Variants in TNIK observed in about 807,000 individuals in gnomAD.
The protein encoded by TNIK is TRAF2 and NCK interacting kinase.
Under a neutral mutation model 191.3 loss-of-function variants are expected in TNIK, and 49 were observed. That is an observed-to-expected ratio of 0.26 (90% CI 0.20 to 0.32). The LOEUF is 0.32. TNIK is among the 10% of genes least tolerant of loss of function. The probability of loss-of-function intolerance (pLI) is 1.00; values close to 1 mark genes in which losing one functional copy is unlikely to be tolerated. For synonymous variants in TNIK, 594 were observed against 600.9 expected, an observed-to-expected ratio of 0.99 and a Z score of 0.17; for missense variants, 1,155 against 1,702.3, an observed-to-expected ratio of 0.68 and a Z score of 5.66.
At chr3:171,347,180 T>C (rs1474296155) in intron 2 of TNIK, 2 of 1,528,826 alleles carry the variant, frequency 1.3e-6, no homozygotes, top group Non-Finnish European at 8.7e-7. Flanking sequence ...AGTTGGTTCT[T>C]GGAGTTGTGA....
intron 1 of TNIK, among the ~76,000 whole-genome samples, chr3:171,430,706 C>G (rs997084562): frequency 4.0e-5 from 6 of 148,634 alleles, no homozygotes; most frequent in Non-Finnish European, 8.9e-5. Flanking sequence ...TGTTTAAAAT[C>G]ATTTAATTTA....
At chr3:171,166,105 T>C (rs1198848589) in intron 10 of TNIK, among the ~76,000 whole-genome samples, 1 of 152,186 alleles carries the variant, frequency 6.6e-6, no homozygotes, top group African/African-American at 2.4e-5. Context: ...TACCGATGAT[T>C]ATGGCAGCAA....
At chr3:171,315,942 G>A (rs983327948) in intron 2 of TNIK, among the ~76,000 whole-genome samples, 1 of 151,984 alleles carries the variant, frequency 6.6e-6, no homozygotes, top group Non-Finnish European at 1.5e-5. Flanking sequence ...TCATATATTC[G>A]GGGAGATACA....
At chr3:171,228,793 T>C (rs1047647705) in intron 2 of TNIK, among the ~76,000 whole-genome samples, 1 of 152,242 alleles carries the variant, frequency 6.6e-6, no homozygotes, top group Non-Finnish European at 1.5e-5. Flanking sequence ...TGGGCTCTTT[T>C]GGTCTTTAGA....
intron 18 of TNIK, among the ~76,000 whole-genome samples, chr3:171,121,776 C>T (rs1316504923): frequency 1.3e-5 from 2 of 152,166 alleles, no homozygotes; most frequent in African/African-American, 4.8e-5. Flanking sequence ...CAATCTAGAA[C>T]CGCAAATCTG....
At chr3:171,237,621 T>A (rs970273568) in intron 2 of TNIK, among the ~76,000 whole-genome samples, 1 of 152,152 alleles carries the variant, frequency 6.6e-6, no homozygotes, top group Non-Finnish European at 1.5e-5. Context: ...CTAAAACTTA[T>A]ATACCTAAAA....
chr3:171,166,685 C>G (rs1734656617), intron 10 of TNIK, among the ~76,000 whole-genome samples: 1 of 152,120 alleles, frequency 6.6e-6, no homozygotes, highest in Non-Finnish European at 1.5e-5. Flanking sequence ...CCTCAGAGCA[C>G]ATAAATTTAA....
intron 2 of TNIK, among the ~76,000 whole-genome samples, chr3:171,261,852 G>C (rs186526623): frequency 8.5e-5 from 13 of 152,162 alleles, no homozygotes; most frequent in African/African-American, 3.1e-4. Flanking sequence ...GAAAACACAA[G>C]GGCTGGATGG....
intron 24 of TNIK, among the ~76,000 whole-genome samples, chr3:171,085,802 C>T (rs1721280499): frequency 6.6e-6 from 1 of 152,068 alleles, no homozygotes; most frequent in South Asian, 2.1e-4. Flanking sequence ...TATTTCCTTC[C>T]CACGATAGTT....
At chr3:171,361,922 A>C (rs776757460) in intron 2 of TNIK, among the ~76,000 whole-genome samples, 10 of 152,200 alleles carry the variant, frequency 6.6e-5, no homozygotes, top group Non-Finnish European at 7.3e-5. Context: ...AGTTCCAAAT[A>C]GATCTATGGC....
At chr3:171,288,450 A>C (rs1348166850) in intron 2 of TNIK, among the ~76,000 whole-genome samples, 1 of 152,146 alleles carries the variant, frequency 6.6e-6, no homozygotes, top group East Asian at 1.9e-4. Flanking sequence ...TGTACTATCC[A>C]CCATAAGGGC....
At chr3:171,323,730 G>A (rs986035197) in intron 2 of TNIK, among the ~76,000 whole-genome samples, 1 of 152,172 alleles carries the variant, frequency 6.6e-6, no homozygotes, top group Non-Finnish European at 1.5e-5. Context: ...ACAGTGTGAA[G>A]ATACTGCACA....
At chr3:171,352,402 C>T (rs1713359382) in intron 2 of TNIK, among the ~76,000 whole-genome samples, 1 of 152,164 alleles carries the variant, frequency 6.6e-6, no homozygotes. Context: ...TTAAAGGCAT[C>T]CCCTTTGTGA....
At chr3:171,356,186 A>G (rs9860583) in intron 2 of TNIK, among the ~76,000 whole-genome samples, 10,325 of 138,184 alleles carry the variant, frequency 0.075, 1,088 homozygotes, top group African/African-American at 0.28. Flanking sequence ...TTCTGGGGGG[A>G]AAAAAAAATC....
At chr3:171,172,324 C>G (rs1735396772) in intron 9 of TNIK, among the ~76,000 whole-genome samples, 1 of 152,062 alleles carries the variant, frequency 6.6e-6, no homozygotes, top group Non-Finnish European at 1.5e-5. Flanking sequence ...AACCCGGTAA[C>G]TCATTTAGGT....
At chr3:171,158,279 G>C (rs116283785) in intron 11 of TNIK, among the ~76,000 whole-genome samples, 389 of 152,362 alleles carry the variant, frequency 2.6e-3, no homozygotes, top group African/African-American at 8.8e-3. Context: ...GCTTGGTTTG[G>C]CTCTGGCCAC....
At chr3:171,105,112 C>A (rs1314241632) in intron 21 of TNIK, among the ~76,000 whole-genome samples, 2 of 150,344 alleles carry the variant, frequency 1.3e-5, no homozygotes, top group Non-Finnish European at 2.9e-5. Context: ...TTAGCAATAA[C>A]AAGCGACAAT....
chr3:171,154,876 C>G (rs146066137), intron 12 of TNIK, among the ~76,000 whole-genome samples: 2 of 152,210 alleles, frequency 1.3e-5, no homozygotes, highest in African/African-American at 4.8e-5. Context: ...CCTGAAGCCA[C>G]GTCCTTTTCA....
At chr3:171,212,082 AT>A (rs1319469811) in intron 3 of TNIK, among the ~76,000 whole-genome samples, 1 of 152,014 alleles carries the variant, frequency 6.6e-6, no homozygotes, top group Non-Finnish European at 1.5e-5. Flanking sequence ...CCTCAGGATA[AT>A]TTTTTAGGTG....
Sources: gnomAD v4.1 joint callset for allele counts (sites outside exome capture counted in the v4.1 genomes callset) on GRCh38, gnomAD v4.1.1 for gene constraint, MANE v1.5 for transcripts, NCBI Gene and HGNC (gene_info 2026-07-23, HGNC 2026-07-21) for gene names.